The following FREM3 variants were observed in gnomAD, a reference collection of about 807,000 sequenced individuals.
FREM3 encodes the protein FRAS1-related extracellular matrix protein 3.
FREM3 carries 105 observed loss-of-function variants against 129.1 expected under a neutral mutation model. The observed-to-expected ratio is 0.81, with a 90% CI of 0.69 to 0.96. The LOEUF (loss-of-function observed/expected upper bound fraction) is 0.96. Among genes scored for constraint, FREM3 ranks in the 40% least tolerant of loss-of-function variants. The pLI is 0.00. For missense variants in FREM3, 2,593 were observed against 2,666.3 expected (o/e 0.97, Z 0.61); for synonymous variants, 1,014 against 1,044.9 (o/e 0.97, Z 0.57).
At chr4:143,668,892 G>A (rs72940252) in intron 2 of FREM3, among the ~76,000 whole-genome samples, 8,923 of 152,246 alleles carry the variant, frequency 0.059, 664 homozygotes, top group East Asian at 0.18. Context: ...ATAGGGAATT[G>A]TAAGCAAATT....
rs1739005762 is a variant in FREM3 at position 143,624,240 on chromosome 4, A to T, written c.5521T>A (p.Trp1841Arg). The T allele has an allele frequency of 3.3e-6, 5 of 1,536,390 alleles. No homozygotes were observed. The highest frequency in any genetic ancestry group is 4.4e-6 in the Non-Finnish European group (5 of 1,146,144). The change falls in exon 4 of 8, where the codon TGG becomes AGG. Residue 1841 changes from tryptophan to arginine, a missense_variant. Transcript: ENST00000329798. ...TTGTCAGGTATAATTCTCACCCTCC[A>T]TGTGGCTGTAGTCTGTCCAGGATTG... is the stretch of plus-strand genomic sequence containing the variant. ...QFNPGQTTAT[W>R]RVRIIPDNEY...
At chr4:143,621,523 A>T (rs912194292) in intron 4 of FREM3, among the ~76,000 whole-genome samples, 3 of 152,200 alleles carry the variant, frequency 2.0e-5, no homozygotes, top group African/African-American at 7.2e-5. Context: ...ATTTTTTAAT[A>T]TTTTAACAAT....
At chr4:143,616,558 G>A (rs1041370185) in intron 5 of FREM3, among the ~76,000 whole-genome samples, 5 of 152,020 alleles carry the variant, frequency 3.3e-5, no homozygotes, top group Non-Finnish European at 7.4e-5. Context: ...AGGCCGAGGC[G>A]GACGGATCAC....
intron 2 of FREM3, among the ~76,000 whole-genome samples, chr4:143,687,749 TAAAAC>T (rs973405804): frequency 7.9e-5 from 12 of 152,060 alleles, no homozygotes; most frequent in East Asian, 1.9e-4. Context: ...TAAACAGAAT[TAAAAC>T]AAAAAATCAC....
chr4:143,639,703 GTCTGGGAACAGAAGTGC>G (rs2149845875), intron 2 of FREM3, among the ~76,000 whole-genome samples: 2 of 152,280 alleles, frequency 1.3e-5, no homozygotes, highest in African/African-American at 4.8e-5. Context: ...CATACAAACT[GTCTGGGAACAGAAGTGC>G]ACTGGCAAAT....
chr4:143,619,702 A>G (rs1236851712), intron 5 of FREM3, among the ~76,000 whole-genome samples: 1 of 152,186 alleles, frequency 6.6e-6, no homozygotes, highest in East Asian at 1.9e-4. Context: ...AATAATTCAC[A>G]AATACTAAAC....
At chr4:143,663,117 C>G (rs1222315445) in intron 2 of FREM3, among the ~76,000 whole-genome samples, 6 of 152,004 alleles carry the variant, frequency 3.9e-5, no homozygotes, top group Non-Finnish European at 8.8e-5. Flanking sequence ...TGTATTTGGT[C>G]CTGTCATTAT....
intron 6 of FREM3, among the ~76,000 whole-genome samples, chr4:143,591,949 G>C (rs989986963): frequency 2.6e-5 from 4 of 152,228 alleles, no homozygotes; most frequent in Non-Finnish European, 5.9e-5. Flanking sequence ...ATATATTTAG[G>C]ATAGTTAGTT....
chr4:143,697,935 G>T lies in FREM3; in HGVS notation c.2741C>A (p.Thr914Asn), dbSNP rs77099184. The change falls in exon 1 of 8, where the codon ACT (threonine) becomes AAT (asparagine). Residue 914 changes from threonine (T) to asparagine (N), a missense_variant. Thr to Asn is a moderately conservative substitution (Grantham distance 65). Around this residue, in one of 2 missense-constraint regions of FREM3, gnomAD observed 2,276 missense variants for 2,267.2 expected, o/e 1.00. Transcript: ENST00000329798. ...HGRDQTTTSDTFHLEVSDGVH... is the reference protein window; with the variant it reads ...HGRDQTTTSDNFHLEVSDGVH... ...CCCATCACTTACTTCCAGATGGAAA[G>T]TGTCACTGGTAGTCGTCTGGTCTCT... The T allele has an allele frequency of 3.9e-3, 6,043 of 1,537,848 alleles. 255 individuals are homozygous for T. In the African/African-American group the frequency reaches 0.073, roughly 19 times the overall value.
intron 1 of FREM3, among the ~76,000 whole-genome samples, chr4:143,693,740 A>G (rs1031782594): frequency 2.6e-5 from 4 of 152,182 alleles, no homozygotes; most frequent in African/African-American, 7.2e-5. Context: ...AATATATTAC[A>G]TATATACCAT....
At chr4:143,676,738 T>C (rs926170393) in intron 2 of FREM3, among the ~76,000 whole-genome samples, 19 of 152,172 alleles carry the variant, frequency 1.2e-4, no homozygotes, top group Admixed American at 5.9e-4. Flanking sequence ...AGCATTCTTA[T>C]ACACCAATAA....
intron 2 of FREM3, among the ~76,000 whole-genome samples, chr4:143,643,714 A>G (rs1193573436): frequency 5.3e-5 from 8 of 152,054 alleles, no homozygotes; most frequent in Non-Finnish European, 1.2e-4. Context: ...GAAAGTTACA[A>G]TAAGGTGGGA....
At chr4:143,651,633 A>G (rs545508930) in intron 2 of FREM3, among the ~76,000 whole-genome samples, 20 of 152,340 alleles carry the variant, frequency 1.3e-4, no homozygotes, top group African/African-American at 3.4e-4. Context: ...CTGAAATGCT[A>G]TAAGTCGGTT....
chr4:143,695,950 T>G lies in FREM3; in HGVS notation c.4726A>C (p.Ile1576Leu). The G allele has an allele frequency of 2.6e-6, 4 of 1,537,844 alleles. No individual in the cohort carries two copies. Residue 1576 changes from isoleucine (I) to leucine (L), a missense_variant, in exon 1 of 8, where the codon ATC becomes CTC. Physicochemically the swap from Ile to Leu is conservative, Grantham distance 5. Transcript: ENST00000329798. ...DTPDDLILFT[I>L]TQVPMHGKIL... Reference sequence around the variant, plus strand: ...TTGCCATGCATGGGGACCTGGGTGATGGTAAAGAGAATAAGGTCATCTGGG... The same window carrying G: ...TTGCCATGCATGGGGACCTGGGTGAGGGTAAAGAGAATAAGGTCATCTGGG...
At chr4:143,620,231 A>T (rs1051608428) in intron 5 of FREM3, among the ~76,000 whole-genome samples, 6 of 152,108 alleles carry the variant, frequency 3.9e-5, no homozygotes, top group Non-Finnish European at 8.8e-5. Flanking sequence ...CAATCTCCAG[A>T]TTCCCAGGCC....
intron 2 of FREM3, among the ~76,000 whole-genome samples, chr4:143,664,726 T>C (rs1170765381): frequency 6.6e-6 from 1 of 152,182 alleles, no homozygotes; most frequent in Non-Finnish European, 1.5e-5. Flanking sequence ...CTCCTTGAGC[T>C]GTGGTGGGCT....
At chr4:143,694,668 G>C (rs1740534068) in intron 1 of FREM3, among the ~76,000 whole-genome samples, 1 of 152,084 alleles carries the variant, frequency 6.6e-6, no homozygotes, top group African/African-American at 2.4e-5. Flanking sequence ...TAAGTTCTGG[G>C]ATACATGTGC....
intron 2 of FREM3, among the ~76,000 whole-genome samples, chr4:143,634,937 G>A (rs1396288102): frequency 6.6e-6 from 1 of 152,072 alleles, no homozygotes; most frequent in Non-Finnish European, 1.5e-5. Flanking sequence ...GCTTCAGTTG[G>A]GAGAACTCAA....
intron 5 of FREM3, among the ~76,000 whole-genome samples, chr4:143,617,942 A>G (rs540016119): frequency 6.6e-6 from 1 of 152,350 alleles, no homozygotes; most frequent in African/African-American, 2.4e-5. Flanking sequence ...TTCTTCTGGT[A>G]TTAGTGACAC....
Sources: gnomAD v4.1 joint callset for allele counts (sites outside exome capture counted in the v4.1 genomes callset) on GRCh38, gnomAD v4.1.1 for gene constraint, gnomAD v4.1.1 regional missense constraint, MANE v1.5 for transcripts, NCBI Gene and HGNC (gene_info 2026-07-23, HGNC 2026-07-21) for gene names.